The following KIF9 variants were observed in gnomAD, a reference collection of about 807,000 sequenced individuals.
KIF9 encodes kinesin family member 9, also known as kinesin-like protein KIF9.
KIF9 carries 68 observed loss-of-function variants against 94.8 expected under a neutral mutation model. The ratio of observed to expected loss-of-function variants is 0.72; its 90% CI spans 0.59 to 0.88. KIF9 has a LOEUF of 0.88. Ranked by LOEUF, KIF9 falls within the 40% of genes least tolerant of loss-of-function variation. KIF9 has a pLI of 0.00. For missense variants in KIF9, 882 were observed against 982.5 expected, an observed-to-expected ratio of 0.90 and a Z score of 1.37; for synonymous variants, 343 against 362.1, an observed-to-expected ratio of 0.95 and a Z score of 0.60.
At chr3:47,234,234 CT>C (rs542496579) in intron 20 of KIF9, among the ~76,000 whole-genome samples, 333 of 142,494 alleles carry the variant, frequency 2.3e-3, no homozygotes, top group Middle Eastern at 7.2e-3. Flanking sequence ...TTTGTACTTT[CT>C]TTTTTTTTTT....
At chr3:47,254,303 C>CA (rs1420439914) in intron 10 of KIF9, among the ~76,000 whole-genome samples, 1 of 152,132 alleles carries the variant, frequency 6.6e-6, no homozygotes, top group Non-Finnish European at 1.5e-5. Flanking sequence ...ACTAAAAATA[C>CA]AAAAATTAGC....
At chr3:47,234,400 A>C (rs1481312430) in intron 20 of KIF9, among the ~76,000 whole-genome samples, 1 of 151,542 alleles carries the variant, frequency 6.6e-6, no homozygotes, top group African/African-American at 2.4e-5. Context: ...CACCCAGCTA[A>C]GTTTTTGTAT....
intron 8 of KIF9, 112 bp downstream of exon 8, chr3:47,265,618 T>C: frequency 8.9e-7 from 1 of 1,128,894 alleles, no homozygotes; most frequent in Non-Finnish European, 1.3e-6. Context: ...TGCAGGTGAA[T>C]CCATGCCACC....
intron 9 of KIF9, among the ~76,000 whole-genome samples, chr3:47,259,579 G>A (rs1259454389): frequency 1.2e-4 from 18 of 151,874 alleles, no homozygotes; most frequent in Non-Finnish European, 2.9e-5. Flanking sequence ...TGTCTGTGTA[G>A]AAAGAAGTAG....
At chr3:47,277,035 G>A (rs12637668) in intron 2 of KIF9, 15 of 313,160 alleles carry the variant, frequency 4.8e-5, no homozygotes, top group Admixed American at 1.5e-4. Flanking sequence ...TGTCAGATAC[G>A]AGGGTAAAGG....
At chr3:47,254,327 G>A (rs541080796) in intron 10 of KIF9, among the ~76,000 whole-genome samples, 3 of 152,306 alleles carry the variant, frequency 2.0e-5, no homozygotes, top group South Asian at 4.1e-4. Context: ...GTGTGATGGT[G>A]TGCGCCTGTA....
At chr3:47,272,117 A>G (rs1291152625) in intron 4 of KIF9, among the ~76,000 whole-genome samples, 1 of 151,994 alleles carries the variant, frequency 6.6e-6, no homozygotes, top group Non-Finnish European at 1.5e-5. Flanking sequence ...GACTCCATCT[A>G]AAAAATAAAT....
Position 47,228,556 on chromosome 3 carries a change from T to C in KIF9, c.*96A>G. The C allele has an allele frequency of 2.0e-6, 2 of 993,672 alleles. No individual in the cohort carries two copies. Among genetic ancestry groups the C allele is most frequent in the Non-Finnish European group, 3.2e-6 (2 of 617,440 alleles). 61.6% of individuals were successfully genotyped at this position (993,672 alleles called of 1,614,324 possible). On this transcript the variant is annotated 3_prime_UTR_variant, in exon 21 of 21. Transcript: ENST00000684063. Reference sequence around the variant, plus strand: ...TCTGTGCTGGGTCCCAGCATTGGAGTAGAGGGGGCTGCAGCTCTGGGCAGG... The same window carrying C: ...TCTGTGCTGGGTCCCAGCATTGGAGCAGAGGGGGCTGCAGCTCTGGGCAGG...
At chr3:47,238,148 A>C (rs1210912922) in intron 17 of KIF9, among the ~76,000 whole-genome samples, 1 of 151,890 alleles carries the variant, frequency 6.6e-6, no homozygotes, top group Non-Finnish European at 1.5e-5. Flanking sequence ...CTTTTACAAG[A>C]GACTAATGTT....
intron 10 of KIF9, among the ~76,000 whole-genome samples, chr3:47,255,450 G>C (rs1700510412): frequency 1.3e-5 from 2 of 152,178 alleles, no homozygotes; most frequent in Admixed American, 6.5e-5. Context: ...GATTCTGAAA[G>C]ATGGTCCACA....
chr3:47,271,565 TA>T, intron 4 of KIF9, 104 bp from the exon 5 acceptor site: 1 of 794,108 alleles, frequency 1.3e-6, no homozygotes, highest in Non-Finnish European at 2.2e-6. Context: ...ATGTATAGAA[TA>T]ATTATTGTCC....
intron 9 of KIF9, among the ~76,000 whole-genome samples, chr3:47,262,025 G>A (rs1018060586): frequency 1.3e-5 from 2 of 152,174 alleles, no homozygotes; most frequent in East Asian, 3.8e-4. Context: ...CCAAACCCCT[G>A]AGACCCCTCC....
At position 47,275,324 on chromosome 3, in the gene KIF9, C is replaced by T. The variant is rs1385139744; in HGVS notation, c.259+1G>A. On this transcript the variant is annotated splice_donor_variant, in intron 3 of 20. Transcript: ENST00000684063. LOFTEE classifies it high-confidence loss of function. Reference sequence around the variant, plus strand: ...AGACAACATTTAATTAATTAAGTTACCATTATAGCCATCGAGGGCCTGAGA... The same window carrying T: ...AGACAACATTTAATTAATTAAGTTATCATTATAGCCATCGAGGGCCTGAGA... 6.2e-7 allele frequency: 1 copy of T among 1,604,008 alleles called. No individual in the cohort carries two copies. The highest frequency in any genetic ancestry group is 8.5e-7 in the Non-Finnish European group (1 of 1,175,476).
intron 5 of KIF9, among the ~76,000 whole-genome samples, chr3:47,270,910 G>A (rs1408517810): frequency 6.6e-6 from 1 of 150,756 alleles, no homozygotes; most frequent in Non-Finnish European, 1.5e-5. Context: ...AGGCCGAAGT[G>A]GGAAGATCGC....
At chr3:47,258,211 C>A (rs1000258294) in intron 9 of KIF9, among the ~76,000 whole-genome samples, 1 of 152,076 alleles carries the variant, frequency 6.6e-6, no homozygotes, top group Non-Finnish European at 1.5e-5. Context: ...CCCAAGATAT[C>A]AAAAATATTA....
chr3:47,240,766 C>G (rs758082306), intron 17 of KIF9, 35 bp downstream of exon 17: 3 of 1,582,082 alleles, frequency 1.9e-6, no homozygotes, highest in African/African-American at 2.7e-5. Context: ...CTCTGAGACC[C>G]CAAAGCTCCC....
chr3:47,261,821 T>C (rs2107398971), intron 9 of KIF9, among the ~76,000 whole-genome samples: 1 of 152,338 alleles, frequency 6.6e-6, no homozygotes, highest in Admixed American at 6.5e-5. Context: ...GTTGCTTCTA[T>C]GCAGGGCCAA....
rs1699521988 is a variant in KIF9, at chr3:47,241,753, A to ATATATACATG, written c.1710-739_1710-738insCATGTATATA. Among the ~76,000 whole-genome samples the ATATATACATG allele has an allele frequency of 2.7e-5, 4 of 146,262 alleles. No homozygotes were observed. The Admixed American group carries it at 2.8e-4, about 10-fold the overall frequency. On this transcript the variant is annotated intron_variant, in intron 16 of 20. Coordinates refer to ENST00000684063, the MANE Select transcript of KIF9 (RefSeq NM_182902.4). ...TATATATGTGTGTGTATATATACGT[A>ATATATACATG]TATATACATATATACGTATATATAC...
At chr3:47,269,222 TA>T (rs902722777) in intron 5 of KIF9, among the ~76,000 whole-genome samples, 2 of 152,324 alleles carry the variant, frequency 1.3e-5, no homozygotes, top group South Asian at 2.1e-4. Context: ...AGAACTTGCA[TA>T]AAAAAATAAA....
Sources: allele counts gnomAD v4.1 joint callset (sites outside exome capture counted in the v4.1 genomes callset), GRCh38; gene constraint gnomAD v4.1.1; transcripts MANE v1.5; gene names NCBI Gene and HGNC (gene_info 2026-07-23, HGNC 2026-07-21).